SON: variants seen among roughly 807,000 people sequenced by gnomAD.
SON encodes the protein protein SON.
In SON, 4 loss-of-function variants were observed where a neutral mutation model predicts 173.3. The ratio of observed to expected loss-of-function variants is 0.02; its 90% CI spans 0.01 to 0.05. SON has a LOEUF of 0.05. Among genes scored for constraint, SON ranks in the 10% least tolerant of loss-of-function variants. The pLI is 1.00. For synonymous variants in SON, 1,190 were observed against 1,105.9 expected (o/e 1.08, Z -1.51); for missense variants, 2,626 against 3,055.3 (o/e 0.86, Z 3.31).
At chr21:33,575,917 T>TAAA in intron 11 of SON, 24 bp downstream of exon 11, 2 of 1,099,752 alleles carry the variant, frequency 1.8e-6, no homozygotes, top group Non-Finnish European at 2.7e-6. Context: ...TCTGCATTAA[T>TAAA]TATATATATT....
chr21:33,559,079 A>G lies in SON; in HGVS notation c.6322-151A>G. On this transcript the variant is annotated intron_variant, in intron 4 of 11. Coordinates refer to ENST00000356577, the MANE Select transcript of SON (RefSeq NM_138927.4). The surrounding 1 kb of genome is among the most constrained non-coding windows in gnomAD (Gnocchi z 4.1). The stretch of plus-strand genomic sequence containing the variant: ...GACTGACCAGCCAGAGTGTGTTTAA[A>G]TAGTAGTTAATATGCCAAGTTACGT... 1.8e-6 allele frequency: 1 copy of G among 554,792 alleles called. No homozygotes were observed. Among genetic ancestry groups the G allele is most frequent in the Non-Finnish European group, 3.1e-6 (1 of 327,372 alleles). The allele number at this position is 554,792 out of a possible 1,614,324, so 34.4% of individuals were successfully genotyped here. A position where few individuals can be genotyped will look rare whatever the true frequency, so the allele number is the denominator to read the frequency against.
chr21:33,564,089 G>A (rs1465727035), intron 6 of SON, among the ~76,000 whole-genome samples: 2 of 152,186 alleles, frequency 1.3e-5, no homozygotes, highest in Non-Finnish European at 2.9e-5. Context: ...GTTGGTGACA[G>A]CTTGGTAATA....
rs1433599811 is a variant in SON, at chr21:33,552,826, G to C, written c.3595G>C (p.Val1199Leu). ...AGCTGAAAATACTTGGCCTACAGAGGTGCCATCATCACCATCTGAAGAGTC... is the reference window on the plus strand; with the variant it reads ...AGCTGAAAATACTTGGCCTACAGAGCTGCCATCATCACCATCTGAAGAGTC... The part of the protein sequence containing the change: ...LTAENTWPTE[V>L]PSSPSEESVS... Residue 1199 changes from valine to leucine, a missense_variant, in exon 3 of 12, where the codon GTG (valine) becomes CTG (leucine). Physicochemically the swap from Val to Leu is conservative, Grantham distance 32. This residue lies in a region of SON where 1,006 missense variants were observed against 895.6 expected (regional missense o/e 1.12). Coordinates refer to ENST00000356577, the MANE Select transcript of SON (RefSeq NM_138927.4). The surrounding 1 kb of genome is among the most constrained non-coding windows in gnomAD (Gnocchi z 5.6). The C allele has an allele frequency of 6.2e-7, 1 of 1,613,552 alleles. No homozygotes were observed. The highest frequency in any genetic ancestry group is 1.3e-5 in the African/African-American group (1 of 74,852).
intron 2 of SON, 138 bp downstream of exon 2, chr21:33,546,517 C>G (rs1416469980): frequency 1.6e-6 from 1 of 619,582 alleles, no homozygotes; most frequent in African/African-American, 1.9e-5. Context: ...CGATGGCTCA[C>G]GCCTGTAATC....
In SON at chr21:33,549,980, T is replaced by A. The variant is rs1334287542; in HGVS notation, c.749T>A (p.Val250Glu). 1 of 1,614,040 alleles carries A rather than the reference T, an allele frequency of 6.2e-7. No homozygotes were observed. The highest frequency in any genetic ancestry group is 1.7e-5 in the Admixed American group (1 of 60,018). ...KILDSFAAAP[V>E]PTTTLVLKSS... Reference sequence around the variant, plus strand: ...CTGGATTCCTTTGCAGCAGCACCAGTGCCTACTACAACACTGGTGTTGAAG... The same window carrying A: ...CTGGATTCCTTTGCAGCAGCACCAGAGCCTACTACAACACTGGTGTTGAAG... Residue 250 changes from valine (V) to glutamate (E), a missense_variant, in exon 3 of 12, where the codon GTG becomes GAG. By Grantham distance (121) the Val-to-Glu change is moderately radical (BLOSUM62 -2). Around this residue, in one of 13 missense-constraint regions of SON, gnomAD observed 757 missense variants for 730.1 expected, o/e 1.04. Transcript: ENST00000356577.
chr21:33,576,016 A>T, intron 11 of SON, 123 bp downstream of exon 11: 1 of 570,892 alleles, frequency 1.8e-6, no homozygotes, highest in Non-Finnish European at 3.0e-6. Context: ...ATTTGTAGTT[A>T]AGTGGTGGGG....
At chr21:33,575,218 TAG>T (rs1193607243) in intron 9 of SON, among the ~76,000 whole-genome samples, 1 of 152,070 alleles carries the variant, frequency 6.6e-6, no homozygotes, top group Non-Finnish European at 1.5e-5. Flanking sequence ...GTTTCTTTAG[TAG>T]AGACGGGGTT....
At chr21:33,556,317 A>G (rs554862085) in intron 3 of SON, among the ~76,000 whole-genome samples, 8 of 152,354 alleles carry the variant, frequency 5.3e-5, no homozygotes, top group East Asian at 1.9e-4. Flanking sequence ...AAAGGACAGA[A>G]TGTGATTACT....
At chr21:33,562,366 A>G (rs1171850720) in intron 6 of SON, among the ~76,000 whole-genome samples, 1 of 152,208 alleles carries the variant, frequency 6.6e-6, no homozygotes, top group African/African-American at 2.4e-5. Flanking sequence ...TTTGAACTGA[A>G]TAGTAATTTT....
rs547341636 is a variant in SON, at chr21:33,569,165, A to G, written c.6885+78A>G. ...GGAAACTGTTTATTAAAACTGCATGAAAAGACCAGTGACTCTAACCAAAGT... is the reference window on the plus strand; with the variant it reads ...GGAAACTGTTTATTAAAACTGCATGGAAAGACCAGTGACTCTAACCAAAGT... On this transcript the variant is annotated intron_variant, in intron 8 of 11. Coordinates refer to ENST00000356577, the MANE Select transcript of SON (RefSeq NM_138927.4). The G allele has an allele frequency of 3.7e-6, 3 of 819,774 alleles. No individual in the cohort carries two copies. The South Asian group carries it at 4.6e-5, about 13-fold the overall frequency. The allele number at this position is 819,774 out of a possible 1,614,324, so 50.8% of individuals were successfully genotyped here.
intron 2 of SON, among the ~76,000 whole-genome samples, chr21:33,547,681 T>A (rs2085651883): frequency 6.6e-6 from 1 of 151,156 alleles, no homozygotes. Context: ...CTATGTCAAG[T>A]GTTGATTTAT....
Position 33,552,433 on chromosome 21 carries a change from T to G in SON, c.3202T>G (p.Ser1068Ala). ...GTCAGCTTATGAACGCTCCATGATGTCAGCTTATGAACGCTCCATGATGTC... is the reference window on the plus strand; with the variant it reads ...GTCAGCTTATGAACGCTCCATGATGGCAGCTTATGAACGCTCCATGATGTC... ...MMSAYERSMM[S>A]AYERSMMSPM... Residue 1068 changes from serine (S) to alanine (A), a missense_variant, in exon 3 of 12, where the codon TCA becomes GCA. This residue lies in a region of SON where 366 missense variants were observed against 448.6 expected (regional missense o/e 0.82). Coordinates refer to ENST00000356577, the MANE Select transcript of SON (RefSeq NM_138927.4). The surrounding 1 kb of genome is among the most constrained non-coding windows in gnomAD (Gnocchi z 5.6). 2 of 1,614,046 alleles carry G rather than the reference T, an allele frequency of 1.2e-6. No individual in the cohort carries two copies. The highest frequency in any genetic ancestry group is 1.7e-6 in the Non-Finnish European group (2 of 1,180,000).
chr21:33,569,527 T>C, intron 8 of SON: 1 of 388,048 alleles, frequency 2.6e-6, no homozygotes, highest in South Asian at 2.0e-5. Context: ...ACCACCTTAA[T>C]TTTCCATTCC....
At chr21:33,563,071 G>T (rs1192706912) in intron 6 of SON, among the ~76,000 whole-genome samples, 3 of 152,120 alleles carry the variant, frequency 2.0e-5, no homozygotes, top group African/African-American at 7.2e-5. Flanking sequence ...AGCTCTAAAT[G>T]TATAGGAAAA....
chr21:33,577,266 T>C lies in SON; in HGVS notation c.*842T>C, dbSNP rs1444892377. On this transcript the variant is annotated 3_prime_UTR_variant, in exon 12 of 12. Transcript: ENST00000356577. ...ATTTTGAATTTCAGCTACACCTAGA[T>C]AGACGTAAAATGATAATTAAAATGC... 1 of 152,544 alleles carries C rather than the reference T, an allele frequency of 6.6e-6. No homozygotes were observed. Among genetic ancestry groups the C allele is most frequent in the African/African-American group, 2.4e-5 (1 of 41,440 alleles). 9.4% of individuals were successfully genotyped at this position (152,544 alleles called of 1,614,324 possible). A position where few individuals can be genotyped will look rare whatever the true frequency, so the allele number is the denominator to read the frequency against.
rs186612347 is a variant in SON, at chr21:33,546,696, G to C, written c.244+317G>C. Reference sequence around the variant, plus strand: ...CTTGGGAAGCTGAGGCAGGAGAATCGCATGAACCCAGGAGGCGAATGTTGC... The same window carrying C: ...CTTGGGAAGCTGAGGCAGGAGAATCCCATGAACCCAGGAGGCGAATGTTGC... On this transcript the variant is annotated intron_variant, in intron 2 of 11. Transcript: ENST00000356577. The C allele has an allele frequency of 5.9e-5, 11 of 187,560 alleles. No homozygotes were observed. The South Asian group carries it at 1.0e-3, about 18-fold the overall frequency. 11.6% of individuals were successfully genotyped at this position (187,560 alleles called of 1,614,324 possible).
Position 33,554,032 on chromosome 21 carries a change from C to G in SON, c.4801C>G (p.Leu1601Val). 1 of 1,614,110 alleles carries G rather than the reference C, an allele frequency of 6.2e-7. No individual in the cohort carries two copies. Among genetic ancestry groups the G allele is most frequent in the Non-Finnish European group, 8.5e-7 (1 of 1,180,020 alleles). The change falls in exon 3 of 12, where the codon CTG becomes GTG. Residue 1601 changes from leucine (L) to valine (V), a missense_variant. Leu to Val is a conservative substitution (Grantham distance 32, BLOSUM62 1). Coordinates refer to ENST00000356577, the MANE Select transcript of SON (RefSeq NM_138927.4). ...TCTATCTTCTACTGGTCCTTTTGCTCTGGAACCTGATGCAACAGGAACTAG... is the reference window on the plus strand; with the variant it reads ...TCTATCTTCTACTGGTCCTTTTGCTGTGGAACCTGATGCAACAGGAACTAG... The part of the protein sequence containing the change: ...ETLSSTGPFA[L>V]EPDATGTSKG...
intron 6 of SON, among the ~76,000 whole-genome samples, chr21:33,562,857 G>A (rs2086093451): frequency 6.6e-6 from 1 of 152,118 alleles, no homozygotes; most frequent in Non-Finnish European, 1.5e-5. Flanking sequence ...TGACATAAGT[G>A]GAGTAGTAAC....
Position 33,559,121 on chromosome 21 carries a change from G to A in SON, c.6322-109G>A, listed in dbSNP as rs1486655690. The A allele has an allele frequency of 3.5e-6, 3 of 848,670 alleles. No homozygotes were observed. The East Asian group carries it at 8.2e-5, about 23-fold the overall frequency. 52.6% of individuals were successfully genotyped at this position (848,670 alleles called of 1,614,324 possible). A position where few individuals can be genotyped will look rare whatever the true frequency, so the allele number is the denominator to read the frequency against. On this transcript the variant is annotated intron_variant, in intron 4 of 11. Transcript: ENST00000356577. This position sits in a 1 kb window ranked among gnomAD's most constrained non-coding sequence, Gnocchi z 4.1. Reference sequence around the variant, plus strand: ...AAGTTACGTATCTATAACCTATCATGAATCTTGTTTAACTTTGGAAAGTTG... The same window carrying A: ...AAGTTACGTATCTATAACCTATCATAAATCTTGTTTAACTTTGGAAAGTTG...
Sources: allele counts gnomAD v4.1 joint callset (sites outside exome capture counted in the v4.1 genomes callset), GRCh38; gene constraint gnomAD v4.1.1; regional missense constraint gnomAD v4.1.1; non-coding constraint Gnocchi (gnomAD v3.1); transcripts MANE v1.5; gene names NCBI Gene and HGNC (gene_info 2026-07-23, HGNC 2026-07-21).